XKR4: variants seen among roughly 807,000 people sequenced by gnomAD.
XKR4 encodes the protein XK related 4.
XKR4 carries 12 observed loss-of-function variants against 53.9 expected under a neutral mutation model. The observed-to-expected ratio is 0.22, with a 90% CI of 0.14 to 0.36. XKR4 has a LOEUF of 0.36. XKR4 is among the 10% of genes least tolerant of loss of function. XKR4 has a pLI of 1.00. For synonymous variants in XKR4, 354 were observed against 362.4 expected, an observed-to-expected ratio of 0.98 and a Z score of 0.26; for missense variants, 799 against 859.5, an observed-to-expected ratio of 0.93 and a Z score of 0.88.
At position 55,251,075 on chromosome 8, in the gene XKR4, G is replaced by C. The variant is rs541193258; in HGVS notation, c.807-106603G>C. 1.1e-4 allele frequency among the ~76,000 whole-genome samples: 17 copies of C among 152,278 alleles called. No individual in the cohort carries two copies. The South Asian group carries it at 3.1e-3, about 28-fold the overall frequency. ...TAGGTGTACGTATAGATATATGTGT[G>C]GTATAGGTATAGTATAGGCATAGGC... On this transcript the variant is annotated intron_variant, in intron 1 of 2. Coordinates refer to ENST00000327381, the MANE Select transcript of XKR4 (RefSeq NM_052898.2).
chr8:55,307,033 C>T (rs1163105501), intron 1 of XKR4, among the ~76,000 whole-genome samples: 1 of 142,356 alleles, frequency 7.0e-6, no homozygotes, highest in East Asian at 2.5e-4. Context: ...TAAACCTATA[C>T]ACTTTTAGAA....
chr8:55,406,900 A>T (rs1804692195), intron 2 of XKR4, among the ~76,000 whole-genome samples: 1 of 152,218 alleles, frequency 6.6e-6, no homozygotes. Context: ...AAGACAGGGA[A>T]TCATTATTAG....
chr8:55,275,303 T>C (rs894413590), intron 1 of XKR4, among the ~76,000 whole-genome samples: 4 of 152,186 alleles, frequency 2.6e-5, no homozygotes, highest in African/African-American at 9.7e-5. Context: ...GAAAAAAGTG[T>C]AAATGGATTT....
intron 1 of XKR4, among the ~76,000 whole-genome samples, chr8:55,325,665 T>A (rs1803281383): frequency 6.6e-6 from 1 of 152,190 alleles, no homozygotes; most frequent in Non-Finnish European, 1.5e-5. Flanking sequence ...CTTTCCTAAA[T>A]AATTTTAAGA....
intron 1 of XKR4, among the ~76,000 whole-genome samples, chr8:55,135,987 G>A (rs1357564395): frequency 2.0e-5 from 3 of 151,330 alleles, no homozygotes; most frequent in African/African-American, 7.3e-5. Flanking sequence ...TCCGCCTCCC[G>A]GGTTCAAGTG....
At chr8:55,200,359 C>T (rs1047516790) in intron 1 of XKR4, among the ~76,000 whole-genome samples, 1 of 152,204 alleles carries the variant, frequency 6.6e-6, no homozygotes, top group East Asian at 1.9e-4. Flanking sequence ...TGAGCCACTG[C>T]GCCCGGCCAG....
At chr8:55,469,332 T>C (rs1282832185) in intron 2 of XKR4, among the ~76,000 whole-genome samples, 1 of 152,140 alleles carries the variant, frequency 6.6e-6, no homozygotes, top group African/African-American at 2.4e-5. Flanking sequence ...TATGTCTCAG[T>C]CTGGCTTTTC....
rs1350351388 is a variant in XKR4, at chr8:55,503,600, GT to G, written c.1007-19675del. Among the ~76,000 whole-genome samples the G allele has an allele frequency of 2.6e-5, 4 of 152,136 alleles. No homozygotes were observed. In the East Asian group the frequency reaches 7.7e-4, roughly 29 times the overall value. ...AATATTGACTTATTAGTTCTGTCATGTTTTTTGTGGAATCTTTAGAATTGTC... is the reference window on the plus strand; with the variant it reads ...AATATTGACTTATTAGTTCTGTCATGTTTTTGTGGAATCTTTAGAATTGTC... On this transcript the variant is annotated intron_variant, in intron 2 of 2. Transcript: ENST00000327381.
chr8:55,354,684 A>G (rs1803773180), intron 1 of XKR4, among the ~76,000 whole-genome samples: 1 of 151,348 alleles, frequency 6.6e-6, no homozygotes, highest in South Asian at 2.1e-4. Flanking sequence ...TAAGAAAACT[A>G]ATGATGTTTC....
intron 2 of XKR4, among the ~76,000 whole-genome samples, chr8:55,511,149 T>C (rs1362576892): frequency 6.6e-6 from 1 of 151,974 alleles, no homozygotes; most frequent in Non-Finnish European, 1.5e-5. Context: ...CGCTGGAAAA[T>C]AGGACAGAAG....
chr8:55,198,496 T>C (rs2129361883), intron 1 of XKR4, among the ~76,000 whole-genome samples: 1 of 151,734 alleles, frequency 6.6e-6, no homozygotes, highest in East Asian at 1.9e-4. Flanking sequence ...TTTTATATGT[T>C]ATAATAAAAT....
At chr8:55,217,059 G>A (rs974803266) in intron 1 of XKR4, among the ~76,000 whole-genome samples, 10 of 151,894 alleles carry the variant, frequency 6.6e-5, no homozygotes, top group African/African-American at 2.4e-4. Flanking sequence ...TGGCCAACAT[G>A]GTGAAACACT....
At chr8:55,155,452 A>T (rs1036631880) in intron 1 of XKR4, among the ~76,000 whole-genome samples, 2 of 152,210 alleles carry the variant, frequency 1.3e-5, no homozygotes, top group Non-Finnish European at 2.9e-5. Flanking sequence ...TATACATTTT[A>T]AAAGATATTA....
intron 1 of XKR4, among the ~76,000 whole-genome samples, chr8:55,206,051 CG>C (rs1817644400): frequency 6.6e-6 from 1 of 152,168 alleles, no homozygotes; most frequent in Non-Finnish European, 1.5e-5. Context: ...CCGGTGGGTT[CG>C]TAGTCTCTCT....
intron 2 of XKR4, among the ~76,000 whole-genome samples, chr8:55,521,974 A>G (rs774845994): frequency 1.3e-5 from 2 of 152,336 alleles, no homozygotes; most frequent in Non-Finnish European, 1.5e-5. Context: ...AGCCAGCCAG[A>G]CTTTAAAATA....
intron 1 of XKR4, among the ~76,000 whole-genome samples, chr8:55,217,159 A>G (rs1308265483): frequency 6.7e-6 from 1 of 149,524 alleles, no homozygotes; most frequent in Non-Finnish European, 1.5e-5. Flanking sequence ...GGAGAATGGC[A>G]TGAACCCGGG....
At chr8:55,131,226 C>G (rs1816550557) in intron 1 of XKR4, among the ~76,000 whole-genome samples, 1 of 152,086 alleles carries the variant, frequency 6.6e-6, no homozygotes, top group African/African-American at 2.4e-5. Context: ...CATTACATCA[C>G]AATCAGATTT....
chr8:55,114,164 T>C (rs976745463), intron 1 of XKR4, among the ~76,000 whole-genome samples: 2 of 152,190 alleles, frequency 1.3e-5, no homozygotes, highest in African/African-American at 4.8e-5. Context: ...CTTTCCACAA[T>C]GTTTGAACTA....
chr8:55,385,612 A>G (rs1428255651), intron 2 of XKR4, among the ~76,000 whole-genome samples: 1 of 152,204 alleles, frequency 6.6e-6, no homozygotes, highest in Non-Finnish European at 1.5e-5. Flanking sequence ...GCAAAGTAAC[A>G]TCATGGAATA....
Sources: allele counts gnomAD v4.1 joint callset (sites outside exome capture counted in the v4.1 genomes callset), GRCh38; gene constraint gnomAD v4.1.1; transcripts MANE v1.5; gene names NCBI Gene and HGNC (gene_info 2026-07-23, HGNC 2026-07-21).